Variants in TRIM9 observed in about 807,000 individuals in gnomAD.
TRIM9 encodes the protein E3 ubiquitin-protein ligase TRIM9.
Under a neutral mutation model 78.3 loss-of-function variants are expected in TRIM9, and 26 were observed. That is an observed-to-expected ratio of 0.33 (90% confidence interval 0.24 to 0.46). The LOEUF (loss-of-function observed/expected upper bound fraction) is 0.46, where lower values mean the gene tolerates loss of function less well. Among genes scored for constraint, TRIM9 ranks in the 20% least tolerant of loss-of-function variants. The pLI is 1.00. For synonymous variants in TRIM9, 398 were observed against 416.5 expected (o/e 0.96, Z 0.54); for missense variants, 787 against 1,036.4 (o/e 0.76, Z 3.30).
At chr14:51,061,063 A>C (rs1472737996) in intron 1 of TRIM9, among the ~76,000 whole-genome samples, 1 of 152,136 alleles carries the variant, frequency 6.6e-6, no homozygotes, top group Non-Finnish European at 1.5e-5. Flanking sequence ...CATGTCCTTA[A>C]TGGCATTCCT....
Position 50,982,115 on chromosome 14 carries a change from A to G in TRIM9, c.1859-12T>C, listed in dbSNP as rs751438328. 64 of 1,612,942 alleles carry G rather than the reference A, an allele frequency of 4.0e-5. No homozygotes were observed. Among genetic ancestry groups the G allele is most frequent in the Non-Finnish European group, 5.3e-5 (63 of 1,179,176 alleles). On this transcript the variant is annotated splice_polypyrimidine_tract_variant and intron_variant, in intron 10 of 12. Coordinates refer to ENST00000684578, the MANE Select transcript of TRIM9 (RefSeq NM_001387360.1). ...AGCAAACCAGGCCACTGGGAACAAC[A>G]GAAGGGAATCAGGTTATTAAGACAG...
At chr14:51,088,664 C>A (rs2064010688) in intron 1 of TRIM9, among the ~76,000 whole-genome samples, 1 of 151,406 alleles carries the variant, frequency 6.6e-6, no homozygotes, top group African/African-American at 2.4e-5. Flanking sequence ...AAAAAAAAAT[C>A]TCTTCGGCCT....
At chr14:50,994,845 T>G (rs769616222) in intron 7 of TRIM9, among the ~76,000 whole-genome samples, 3 of 152,244 alleles carry the variant, frequency 2.0e-5, no homozygotes, top group East Asian at 1.9e-4. Flanking sequence ...TTTGAAAATT[T>G]CATTAAAATT....
chr14:50,978,766 G>GA (rs562525447), intron 12 of TRIM9: 138 of 327,598 alleles, frequency 4.2e-4, no homozygotes, highest in African/African-American at 3.6e-3. Context: ...CTGTTTTTTT[G>GA]TTTTTTTTTT....
At chr14:51,027,153 T>C (rs2058317188) in intron 1 of TRIM9, among the ~76,000 whole-genome samples, 1 of 95,692 alleles carries the variant, frequency 1.0e-5, no homozygotes, top group Admixed American at 9.2e-5. Flanking sequence ...TTTTTTTTTT[T>C]TTTTTTTTGA....
At chr14:51,010,837 TG>T (rs1379086652) in intron 3 of TRIM9, among the ~76,000 whole-genome samples, 3 of 152,138 alleles carry the variant, frequency 2.0e-5, no homozygotes, top group African/African-American at 4.8e-5. Flanking sequence ...CGATGTTTGC[TG>T]GGGGGTCTGT....
intron 5 of TRIM9, among the ~76,000 whole-genome samples, chr14:51,002,525 G>A (rs2055215627): frequency 6.6e-6 from 1 of 152,094 alleles, no homozygotes; most frequent in Non-Finnish European, 1.5e-5. Context: ...TTTAATAACA[G>A]GAGAGAACAG....
chr14:51,083,328 T>C (rs1169455162), intron 1 of TRIM9, among the ~76,000 whole-genome samples: 1 of 152,204 alleles, frequency 6.6e-6, no homozygotes, highest in Non-Finnish European at 1.5e-5. Flanking sequence ...CATGGCTCAC[T>C]GTAATCTCGA....
At chr14:50,981,142 G>A (rs1345628494) in intron 11 of TRIM9, among the ~76,000 whole-genome samples, 2 of 152,160 alleles carry the variant, frequency 1.3e-5, no homozygotes, top group African/African-American at 4.8e-5. Flanking sequence ...ATTATAGTAT[G>A]TGTTCAATTA....
rs150784819 is a variant in TRIM9, at chr14:51,005,401, T to C, written c.1306+3679A>G. Among the ~76,000 whole-genome samples the C allele has an allele frequency of 6.1e-3, 933 of 152,334 alleles. 8 individuals carry two copies. The highest frequency in any genetic ancestry group is 0.048 in the Middle Eastern group (14 of 294). ...TATGTGCTAAAAAGGCTTGGTGAAC[T>C]GTTAGGTCATTGTTTCGTCCTGGTT... is the stretch of plus-strand genomic sequence containing the variant. On this transcript the variant is annotated intron_variant, in intron 5 of 12. Transcript: ENST00000684578.
At chr14:50,988,216 T>C (rs1378644775) in intron 7 of TRIM9, 1 of 152,256 alleles carries the variant, frequency 6.6e-6, no homozygotes, top group Non-Finnish European at 1.5e-5. Flanking sequence ...GGAAAGGACA[T>C]ATAAAATAAT....
At chr14:51,076,392 A>G (rs2062784037) in intron 1 of TRIM9, among the ~76,000 whole-genome samples, 1 of 152,130 alleles carries the variant, frequency 6.6e-6, no homozygotes, top group Non-Finnish European at 1.5e-5. Flanking sequence ...TGTGAAAGGC[A>G]CTGTGTCTTT....
chr14:51,090,357 C>A (rs1249638610), intron 1 of TRIM9, among the ~76,000 whole-genome samples: 1 of 152,092 alleles, frequency 6.6e-6, no homozygotes, highest in Non-Finnish European at 1.5e-5. Context: ...TGAGATGCCA[C>A]CATAAAGCTA....
chr14:51,051,977 G>A (rs981276807), intron 1 of TRIM9, among the ~76,000 whole-genome samples: 1 of 140,578 alleles, frequency 7.1e-6, no homozygotes, highest in South Asian at 2.6e-4. Context: ...AGAAAAGAAG[G>A]AAAAGAGAAG....
At chr14:51,011,097 G>T (rs2056517160) in intron 3 of TRIM9, among the ~76,000 whole-genome samples, 1 of 152,196 alleles carries the variant, frequency 6.6e-6, no homozygotes, top group Non-Finnish European at 1.5e-5. Flanking sequence ...GCTGAAGAAA[G>T]AAGACGGATG....
intron 3 of TRIM9, among the ~76,000 whole-genome samples, chr14:51,016,559 TATTA>T (rs1205155937): frequency 6.8e-6 from 1 of 147,644 alleles, no homozygotes; most frequent in African/African-American, 2.5e-5. Context: ...ATTATTAGCA[TATTA>T]ATTATATTAA....
In TRIM9 at chr14:50,998,049, C is replaced by T. The variant is rs2054453238; in HGVS notation, c.1603+1G>A. The T allele has an allele frequency of 6.2e-7, 1 of 1,614,046 alleles. No individual in the cohort carries two copies. On this transcript the variant is annotated splice_donor_variant, in intron 7 of 12. Coordinates refer to ENST00000684578, the MANE Select transcript of TRIM9 (RefSeq NM_001387360.1). LOFTEE classifies it high-confidence loss of function. Reference sequence around the variant, plus strand: ...TGAGGGATACTGCTGAAGGGCCTTACCCTCAGACGTTTGGAGGACCAGGGT... The same window carrying T: ...TGAGGGATACTGCTGAAGGGCCTTATCCTCAGACGTTTGGAGGACCAGGGT...
chr14:50,996,383 GAGGCGCTAC>G, intron 7 of TRIM9: 1 of 985,382 alleles, frequency 1.0e-6, no homozygotes. Context: ...AAAATAAACT[GAGGCGCTAC>G]ATCCTCCTGC....
chr14:51,038,058 AT>A, intron 1 of TRIM9, among the ~76,000 whole-genome samples: 1 of 152,222 alleles, frequency 6.6e-6, no homozygotes, highest in Admixed American at 6.5e-5. Context: ...CCATGCCCGA[AT>A]CCCCAGAACC....
Sources: gnomAD v4.1 joint callset for allele counts (sites outside exome capture counted in the v4.1 genomes callset) on GRCh38, gnomAD v4.1.1 for gene constraint, MANE v1.5 for transcripts, NCBI Gene and HGNC (gene_info 2026-07-23, HGNC 2026-07-21) for gene names.